The following ZNF30 variants were observed in gnomAD, a reference collection of about 807,000 sequenced individuals.
The protein encoded by ZNF30 is zinc finger protein 30, also known as zinc finger protein 30 (KOX 28).
ZNF30 carries 15 observed loss-of-function variants against 13.2 expected under a neutral mutation model. The ratio of observed to expected loss-of-function variants is 1.13; its 90% CI spans 0.76 to 1.75. ZNF30 has a LOEUF of 1.75. Ranked by LOEUF, ZNF30 falls within the 40% of genes most tolerant of loss-of-function variation. The pLI, the probability that ZNF30 is intolerant of heterozygous loss-of-function variation, is 0.00. For synonymous variants in ZNF30, 223 were observed against 256.6 expected, an observed-to-expected ratio of 0.87 and a Z score of 1.25; for missense variants, 726 against 757.0, an observed-to-expected ratio of 0.96 and a Z score of 0.48.
At position 34,945,081 on chromosome 19, in the gene ZNF30, C is replaced by CGGCGACCACCG; in HGVS notation, c.*243_*244insGGCGACCACCG. On this transcript the variant is annotated 3_prime_UTR_variant, in exon 5 of 5. Transcript: ENST00000601142. ...GGGAAACGTTATTACTTAATGGTTA[C>CGGCGACCACCG]AGCACTGACAGCATGAACTTTTATA... 6.1e-5 allele frequency: 25 copies of CGGCGACCACCG among 407,926 alleles called. No individual in the cohort carries two copies. Among genetic ancestry groups the CGGCGACCACCG allele is most frequent in the South Asian group, 3.3e-4 (4 of 12,174 alleles). 25.3% of individuals were successfully genotyped at this position (407,926 alleles called of 1,614,324 possible).
chr19:34,939,955 T>C (rs2012950503), intron 4 of ZNF30, among the ~76,000 whole-genome samples: 1 of 152,140 alleles, frequency 6.6e-6, no homozygotes, highest in African/African-American at 2.4e-5. Context: ...TATAAAAAGG[T>C]GTAGTAGAGC....
Position 34,944,947 on chromosome 19 carries a change from A to G in ZNF30, c.*109A>G, listed in dbSNP as rs988746472. The stretch of plus-strand genomic sequence containing the variant: ...AAATGTGAAGAATATTGGCAGGTCT[A>G]TTCTCATCTTATAATTCATAATATA... On this transcript the variant is annotated 3_prime_UTR_variant, in exon 5 of 5. Coordinates refer to ENST00000601142, the MANE Select transcript of ZNF30 (RefSeq NM_194325.3). 6.0e-6 allele frequency: 6 copies of G among 1,005,996 alleles called. No individual in the cohort carries two copies. The East Asian group carries it at 7.9e-5, about 13-fold the overall frequency. The allele number at this position is 1,005,996 out of a possible 1,614,324, so 62.3% of individuals were successfully genotyped here. A position where few individuals can be genotyped will look rare whatever the true frequency, so the allele number is the denominator to read the frequency against.
chr19:34,941,198 C>T (rs376121563), intron 4 of ZNF30, among the ~76,000 whole-genome samples: 9 of 152,250 alleles, frequency 5.9e-5, no homozygotes, highest in East Asian at 3.9e-4. Context: ...TCTTGTGTAG[C>T]GTGACATTAA....
intron 4 of ZNF30, among the ~76,000 whole-genome samples, chr19:34,939,449 A>G (rs1294102934): frequency 1.3e-5 from 2 of 151,100 alleles, no homozygotes; most frequent in Admixed American, 6.6e-5. Flanking sequence ...AAGTGCTAGG[A>G]TTACAGGCGT....
chr19:34,941,397 T>C (rs1489450997), intron 4 of ZNF30, among the ~76,000 whole-genome samples: 1 of 152,180 alleles, frequency 6.6e-6, no homozygotes, highest in Non-Finnish European at 1.5e-5. Flanking sequence ...CCCAAGTAGC[T>C]GGGATTACAA....
At chr19:34,938,619 G>C (rs1015906669) in intron 4 of ZNF30, among the ~76,000 whole-genome samples, 1 of 152,114 alleles carries the variant, frequency 6.6e-6, no homozygotes, top group Non-Finnish European at 1.5e-5. Context: ...AAATACTCCA[G>C]AAGGTACTAA....
chr19:34,929,373 T>A (rs1279208757), intron 1 of ZNF30, among the ~76,000 whole-genome samples: 1 of 152,232 alleles, frequency 6.6e-6, no homozygotes, highest in Non-Finnish European at 1.5e-5. Flanking sequence ...GTTTTCTTAT[T>A]CTTCAGGACA....
rs746612025 is a variant in ZNF30, at chr19:34,943,698, TGGAAAGCTTACCC to T, written c.735_747del (p.Lys246IlefsTer120). On this transcript the variant is annotated frameshift_variant, in exon 5 of 5. Coordinates refer to ENST00000601142, the MANE Select transcript of ZNF30 (RefSeq NM_194325.3). LOFTEE classifies it low-confidence loss of function (END_TRUNC). ...AATGTGGGAAAGCTTTTCTAGTATATGGAAAGCTTACCCGGCATCAGAGTACTCACACTGGTGA... is the reference window on the plus strand; with the variant it reads ...AATGTGGGAAAGCTTTTCTAGTATATGGCATCAGAGTACTCACACTGGTGA... 6.2e-7 allele frequency: 1 copy of T among 1,613,432 alleles called. No homozygotes were observed. Among genetic ancestry groups the T allele is most frequent in the South Asian group, 1.1e-5 (1 of 91,016 alleles).
chr19:34,941,407 A>G (rs1169861201), intron 4 of ZNF30, among the ~76,000 whole-genome samples: 1 of 152,090 alleles, frequency 6.6e-6, no homozygotes, highest in Admixed American at 6.6e-5. Context: ...TGGGATTACA[A>G]GTGCCCGCCA....
Position 34,944,581 on chromosome 19 carries a change from C to T in ZNF30, c.1615C>T (p.Pro539Ser), listed in dbSNP as rs371533686. The change falls in exon 5 of 5, where the codon CCC becomes TCC. Residue 539 changes from proline (P) to serine (S), a missense_variant. Transcript: ENST00000601142. ...QHQRIHTGEK[P>S]YECNKCGKAF... ...TCAAAGAATTCATACTGGGGAGAAA[C>T]CCTATGAATGTAACAAATGTGGGAA... 40 of 1,614,106 alleles carry T rather than the reference C, an allele frequency of 2.5e-5. No individual in the cohort carries two copies. The highest frequency in any genetic ancestry group is 3.4e-5 in the Non-Finnish European group (40 of 1,180,004).
chr19:34,925,383 G>A (rs929168826), upstream of ZNF30, among the ~76,000 whole-genome samples: 5 of 152,230 alleles, frequency 3.3e-5, no homozygotes, highest in Admixed American at 2.6e-4. Flanking sequence ...GGGGGAGCCA[G>A]AAGGGAAATG....
chr19:34,928,224 T>A (rs867067646), intron 1 of ZNF30, among the ~76,000 whole-genome samples: 9,021 of 70,048 alleles, frequency 0.13, 1,003 homozygotes, highest in African/African-American at 0.39. Flanking sequence ...AAAAAAAATA[T>A]ATATATATAT....
chr19:34,929,819 A>G (rs897092763), intron 1 of ZNF30, 65 bp from the exon 2 acceptor site: 22 of 814,532 alleles, frequency 2.7e-5, no homozygotes, highest in Middle Eastern at 2.3e-4. Context: ...AAGGGACAGG[A>G]AGGTTTATTA....
chr19:34,932,898 A>G (rs1426469006), intron 3 of ZNF30, among the ~76,000 whole-genome samples: 2 of 150,494 alleles, frequency 1.3e-5, no homozygotes, highest in South Asian at 4.2e-4. Context: ...CTCCTGCCTC[A>G]GCCTCCCTAG....
Position 34,943,995 on chromosome 19 carries a change from T to A in ZNF30, c.1029T>A (p.Pro343=), listed in dbSNP as rs1250665321. ...RHQSIHTGEK[P]FECKECGKAF... Reference sequence around the variant, plus strand: ...AGAGTATTCATACTGGTGAGAAACCTTTTGAATGTAAGGAATGTGGAAAGG... The same window carrying A: ...AGAGTATTCATACTGGTGAGAAACCATTTGAATGTAAGGAATGTGGAAAGG... Residue 343 remains proline (P), a synonymous_variant, in exon 5 of 5, where the codon CCT becomes CCA. Coordinates refer to ENST00000601142, the MANE Select transcript of ZNF30 (RefSeq NM_194325.3). 6.2e-7 allele frequency: 1 copy of A among 1,613,724 alleles called. No individual in the cohort carries two copies. Among genetic ancestry groups the A allele is most frequent in the Non-Finnish European group, 8.5e-7 (1 of 1,179,938 alleles).
intron 4 of ZNF30, among the ~76,000 whole-genome samples, chr19:34,937,067 A>G (rs983961299): frequency 1.3e-5 from 2 of 151,884 alleles, no homozygotes; most frequent in Non-Finnish European, 2.9e-5. Flanking sequence ...GCTGGAGTGC[A>G]GTGGTGCGAT....
intron 4 of ZNF30, among the ~76,000 whole-genome samples, chr19:34,937,045 C>G (rs1026725488): frequency 3.6e-4 from 54 of 151,930 alleles, no homozygotes; most frequent in African/African-American, 1.3e-3. Context: ...GAGTTTCACT[C>G]TTGTTGCCCA....
intron 4 of ZNF30, among the ~76,000 whole-genome samples, chr19:34,934,271 T>G (rs1388207174): frequency 6.6e-6 from 1 of 152,108 alleles, no homozygotes; most frequent in Non-Finnish European, 1.5e-5. Flanking sequence ...TTTGTTTTGT[T>G]TTGTTTTTGA....
chr19:34,933,587 T>G, intron 3 of ZNF30, 41 bp from the exon 4 acceptor site: 1 of 1,442,292 alleles, frequency 6.9e-7, no homozygotes, highest in Non-Finnish European at 9.6e-7. Context: ...ATTTTTGAAC[T>G]CATATTTTAT....
Sources: gnomAD v4.1 joint callset for allele counts (sites outside exome capture counted in the v4.1 genomes callset) on GRCh38, gnomAD v4.1.1 for gene constraint, MANE v1.5 for transcripts, NCBI Gene and HGNC (gene_info 2026-07-23, HGNC 2026-07-21) for gene names.